The following SLC25A21 variants were observed in gnomAD, a reference collection of about 807,000 sequenced individuals.
The protein encoded by SLC25A21 is solute carrier family 25 member 21, also known as mitochondrial 2-oxodicarboxylate carrier.
SLC25A21 carries 47 observed loss-of-function variants against 43.8 expected under a neutral mutation model. The ratio of observed to expected loss-of-function variants is 1.07; its 90% CI spans 0.85 to 1.37. The LOEUF is 1.37. Among genes scored for constraint, SLC25A21 ranks in the 40% most tolerant of loss-of-function variants. SLC25A21 has a pLI of 0.00. For synonymous variants in SLC25A21, 131 were observed against 121.3 expected, an observed-to-expected ratio of 1.08 and a Z score of -0.52; for missense variants, 352 against 350.2, an observed-to-expected ratio of 1.00 and a Z score of -0.04.
chr14:36,911,403 G>A (rs943872068), intron 1 of SLC25A21, among the ~76,000 whole-genome samples: 1 of 152,138 alleles, frequency 6.6e-6, no homozygotes, highest in African/African-American at 2.4e-5. Flanking sequence ...CCATCCTGGG[G>A]CAGACTGTTA....
chr14:37,146,266 A>G lies in SLC25A21; in HGVS notation c.70+26015T>C, dbSNP rs1447045044. Reference sequence around the variant, plus strand: ...GATACACCAGAGTACCAAACAGACCAAGAGTTTCTTTTGTGTGTGTGTGAC... The same window carrying G: ...GATACACCAGAGTACCAAACAGACCGAGAGTTTCTTTTGTGTGTGTGTGAC... On this transcript the variant is annotated intron_variant, in intron 1 of 9. Transcript: ENST00000331299. 2.6e-5 allele frequency among the ~76,000 whole-genome samples: 4 copies of G among 152,302 alleles called. No individual in the cohort carries two copies. In the East Asian group the frequency reaches 7.7e-4, roughly 29 times the overall value.
intron 2 of SLC25A21, among the ~76,000 whole-genome samples, chr14:36,847,659 A>C (rs1384990930): frequency 5.9e-5 from 9 of 152,146 alleles, no homozygotes; most frequent in African/African-American, 2.2e-4. Context: ...TCTATGTTCA[A>C]AGGTTCCTAG....
At chr14:37,003,516 G>A (rs150115227) in intron 1 of SLC25A21, among the ~76,000 whole-genome samples, 3 of 152,246 alleles carry the variant, frequency 2.0e-5, no homozygotes, top group African/African-American at 7.2e-5. Flanking sequence ...GTTAAAAACT[G>A]AAACTACCCA....
chr14:36,817,757 A>T (rs1888504134), intron 2 of SLC25A21, among the ~76,000 whole-genome samples: 1 of 152,152 alleles, frequency 6.6e-6, no homozygotes, highest in Non-Finnish European at 1.5e-5. Flanking sequence ...ATTCAGCCTT[A>T]GCCTTTCCTT....
Position 36,679,026 on chromosome 14 carries a change from A to G in SLC25A21, c.*1632T>C, listed in dbSNP as rs1408214712. 1 of 985,372 alleles carries G rather than the reference A, an allele frequency of 1.0e-6. No homozygotes were observed. The highest frequency in any genetic ancestry group is 1.2e-6 in the Non-Finnish European group (1 of 829,990). The allele number at this position is 985,372 out of a possible 1,614,324, so 61.0% of individuals were successfully genotyped here. On this transcript the variant is annotated 3_prime_UTR_variant, in exon 10 of 10. Transcript: ENST00000331299. ...AAAAGTGTTGCTTTTAAACTGGCAAATGCACTCTTCAGAAATCCTTTTCTA... is the reference window on the plus strand; with the variant it reads ...AAAAGTGTTGCTTTTAAACTGGCAAGTGCACTCTTCAGAAATCCTTTTCTA...
chr14:36,965,976 A>C (rs997190022), intron 1 of SLC25A21, among the ~76,000 whole-genome samples: 1 of 152,228 alleles, frequency 6.6e-6, no homozygotes, highest in Non-Finnish European at 1.5e-5. Flanking sequence ...GCATGTACCA[A>C]AATATCTCAT....
chr14:37,068,608 C>G (rs1304571549), intron 1 of SLC25A21, among the ~76,000 whole-genome samples: 1 of 152,104 alleles, frequency 6.6e-6, no homozygotes, highest in African/African-American at 2.4e-5. Flanking sequence ...TGATTTAAAT[C>G]TATTTTAGTC....
chr14:36,982,859 G>A (rs1453277845), intron 1 of SLC25A21, among the ~76,000 whole-genome samples: 2 of 121,904 alleles, frequency 1.6e-5, no homozygotes, highest in South Asian at 2.5e-4. Flanking sequence ...AAAGGCTAAT[G>A]CAGATATATC....
chr14:36,975,960 G>A (rs1959861356), intron 1 of SLC25A21, among the ~76,000 whole-genome samples: 2 of 152,208 alleles, frequency 1.3e-5, no homozygotes, highest in African/African-American at 4.8e-5. Context: ...CCGACTCTCA[G>A]GCAGTCGCTT....
At chr14:36,900,568 CT>C (rs1263487085) in intron 1 of SLC25A21, among the ~76,000 whole-genome samples, 1 of 152,148 alleles carries the variant, frequency 6.6e-6, no homozygotes, top group Non-Finnish European at 1.5e-5. Context: ...ACTAATTGCA[CT>C]TCATCTCAAA....
intron 2 of SLC25A21, among the ~76,000 whole-genome samples, chr14:36,871,344 A>C (rs1436568738): frequency 6.6e-6 from 1 of 152,198 alleles, no homozygotes; most frequent in African/African-American, 2.4e-5. Context: ...CAAACCTGCC[A>C]GCACCTTGAG....
intron 1 of SLC25A21, among the ~76,000 whole-genome samples, chr14:37,016,115 C>A (rs1222585964): frequency 2.6e-5 from 4 of 152,096 alleles, no homozygotes; most frequent in Non-Finnish European, 2.9e-5. Context: ...GAAGTCCTTG[C>A]CCATGCCTAT....
chr14:36,816,151 T>C (rs848080), intron 2 of SLC25A21, among the ~76,000 whole-genome samples: 27,917 of 152,044 alleles, frequency 0.18, 2,996 homozygotes, highest in Non-Finnish European at 0.24. Flanking sequence ...TGGAATTACA[T>C]TTAGTTTTGT....
chr14:36,769,613 G>A (rs1235417007), intron 3 of SLC25A21, among the ~76,000 whole-genome samples: 3 of 151,998 alleles, frequency 2.0e-5, no homozygotes, highest in African/African-American at 7.2e-5. Context: ...ATTTATCTTT[G>A]CGTGGTGCAT....
At chr14:36,715,795 T>C (rs1884102628) in intron 6 of SLC25A21, among the ~76,000 whole-genome samples, 1 of 152,200 alleles carries the variant, frequency 6.6e-6, no homozygotes, top group South Asian at 2.1e-4. Flanking sequence ...GAGGTTTAAT[T>C]AAAAAAGCAG....
At chr14:36,867,756 A>C (rs970247168) in intron 2 of SLC25A21, among the ~76,000 whole-genome samples, 3 of 149,618 alleles carry the variant, frequency 2.0e-5, no homozygotes, top group African/African-American at 7.4e-5. Context: ...TATTCCCCCC[A>C]TTTTTGCTAA....
At chr14:37,083,657 G>A (rs1962429671) in intron 1 of SLC25A21, among the ~76,000 whole-genome samples, 1 of 152,198 alleles carries the variant, frequency 6.6e-6, no homozygotes, top group African/African-American at 2.4e-5. Flanking sequence ...CTAAACCAGT[G>A]CTACTCAAAG....
At chr14:37,134,533 T>C (rs986147110) in intron 1 of SLC25A21, among the ~76,000 whole-genome samples, 5 of 151,248 alleles carry the variant, frequency 3.3e-5, no homozygotes, top group Non-Finnish European at 5.9e-5. Flanking sequence ...TTATCCCAGC[T>C]ACTTGGGAGG....
chr14:36,909,860 T>A (rs750463907), intron 1 of SLC25A21, among the ~76,000 whole-genome samples: 2 of 151,866 alleles, frequency 1.3e-5, no homozygotes. Context: ...AGGGAATATA[T>A]AGATTTTTTT....
Sources: allele counts gnomAD v4.1 joint callset (sites outside exome capture counted in the v4.1 genomes callset), GRCh38; gene constraint gnomAD v4.1.1; transcripts MANE v1.5; gene names NCBI Gene and HGNC (gene_info 2026-07-23, HGNC 2026-07-21).